Variants in MICAL3 observed in about 807,000 individuals in gnomAD.
MICAL3 encodes [F-actin]-monooxygenase MICAL3.
In MICAL3, 62 loss-of-function variants were observed where a neutral mutation model predicts 207.4. The observed-to-expected ratio is 0.30, with a 90% CI of 0.24 to 0.37. The LOEUF is 0.37. MICAL3 is among the 10% of genes least tolerant of loss of function. MICAL3 has a pLI of 1.00. For missense variants in MICAL3, 2,368 were observed against 2,635.6 expected, an observed-to-expected ratio of 0.90 and a Z score of 2.22; for synonymous variants, 1,077 against 1,069.3, an observed-to-expected ratio of 1.01 and a Z score of -0.14.
chr22:17,996,463 C>T (rs906753568), intron 1 of MICAL3, among the ~76,000 whole-genome samples: 2 of 148,088 alleles, frequency 1.4e-5, no homozygotes, highest in Admixed American at 1.4e-4. Flanking sequence ...AAAAAAAATG[C>T]AATCAACTGC....
intron 19 of MICAL3, chr22:17,861,088 T>C: frequency 1.0e-6 from 1 of 985,420 alleles, no homozygotes; most frequent in South Asian, 4.7e-5. Context: ...AGAATTCTCT[T>C]GCTCCACTAA....
Position 17,891,585 on chromosome 22 carries a change from T to G in MICAL3, c.1594A>C (p.Thr532Pro). Residue 532 changes from threonine to proline, a missense_variant, in exon 12 of 32, where the codon ACA becomes CCA. Thr to Pro is a conservative substitution (Grantham distance 38). Coordinates refer to ENST00000441493, the MANE Select transcript of MICAL3 (RefSeq NM_015241.3). Reference protein sequence around the residue: ...SKLLGWCQRQTDGYAGVNVTD... With the variant: ...SKLLGWCQRQPDGYAGVNVTD... Reference sequence around the variant, plus strand: ...ACGTTTACCCCTGCATAGCCATCTGTCTGCCTCTGGCACCAACCCAGCAGT... The same window carrying G: ...ACGTTTACCCCTGCATAGCCATCTGGCTGCCTCTGGCACCAACCCAGCAGT... The G allele has an allele frequency of 6.2e-7, 1 of 1,614,016 alleles. No individual in the cohort carries two copies. The highest frequency in any genetic ancestry group is 8.5e-7 in the Non-Finnish European group (1 of 1,179,876).
chr22:17,876,892 TGGAGGTTAG>T (rs1569109367), intron 16 of MICAL3: 13 of 12,926 alleles, frequency 1.0e-3, no homozygotes, highest in South Asian at 2.6e-3. Context: ...AGGGAGGTTA[TGGAGGTTAG>T]GGAGGTTAGG....
chr22:17,940,629 A>G (rs1162887006), intron 1 of MICAL3, among the ~76,000 whole-genome samples: 1 of 152,218 alleles, frequency 6.6e-6, no homozygotes, highest in Non-Finnish European at 1.5e-5. Flanking sequence ...TTACAAGGAA[A>G]GAGGCAAAGG....
At chr22:17,881,355 T>G in intron 16 of MICAL3, 12 of 1,406,012 alleles carry the variant, frequency 8.5e-6, no homozygotes, top group East Asian at 2.4e-5. Context: ...ACAGTGGCCA[T>G]GTGGAAGCTG....
chr22:17,996,638 T>A (rs1314069121), intron 1 of MICAL3, among the ~76,000 whole-genome samples: 1 of 151,950 alleles, frequency 6.6e-6, no homozygotes, highest in African/African-American at 2.4e-5. Context: ...AGCACCTGAG[T>A]GTCTGACACC....
rs565954377 is a variant in MICAL3, at chr22:17,994,661, G to A, written c.-75+29620C>T. 2.3e-3 allele frequency among the ~76,000 whole-genome samples: 345 copies of A among 151,384 alleles called. 1 individual carries two copies. The highest frequency in any genetic ancestry group is 8.1e-3 in the African/African-American group (332 of 41,218). The stretch of plus-strand genomic sequence containing the variant: ...CAGGAGGTCAAGGCTGCAGTGAGCC[G>A]AGATCATGCCACTCCAGCTGGGGCC... On this transcript the variant is annotated intron_variant, in intron 1 of 31. Transcript: ENST00000441493.
At chr22:17,926,258 G>C (rs568896199) in intron 1 of MICAL3, among the ~76,000 whole-genome samples, 1 of 152,326 alleles carries the variant, frequency 6.6e-6, no homozygotes, top group African/African-American at 2.4e-5. Flanking sequence ...TGGCATTCCA[G>C]GACGTCTGTG....
intron 1 of MICAL3, among the ~76,000 whole-genome samples, chr22:18,018,227 C>G (rs1350745318): frequency 6.6e-6 from 1 of 152,178 alleles, no homozygotes; most frequent in African/African-American, 2.4e-5. Context: ...ATTCTTTTAA[C>G]TTGAAAATTA....
intron 1 of MICAL3, among the ~76,000 whole-genome samples, chr22:17,997,050 CTTT>C (rs71716810): frequency 1.3e-4 from 10 of 75,490 alleles, no homozygotes; most frequent in African/African-American, 3.4e-4. Context: ...CCCATCTAGT[CTTT>C]TTTTTTTTTT....
At chr22:17,979,913 G>C (rs535324306) in intron 1 of MICAL3, among the ~76,000 whole-genome samples, 1 of 152,184 alleles carries the variant, frequency 6.6e-6, no homozygotes, top group East Asian at 1.9e-4. Context: ...CTACAGCCTT[G>C]ACCTCCTGGG....
chr22:17,821,969 G>C, intron 24 of MICAL3, 61 bp downstream of exon 24: 1 of 1,586,326 alleles, frequency 6.3e-7, no homozygotes, highest in East Asian at 2.2e-5. Context: ...AGCCACTCTT[G>C]TGTGCATATG....
chr22:17,951,846 G>A (rs566818717), intron 1 of MICAL3, among the ~76,000 whole-genome samples: 24 of 152,048 alleles, frequency 1.6e-4, no homozygotes, highest in African/African-American at 4.6e-4. Flanking sequence ...ACAGGCGCCC[G>A]CCACCACACC....
chr22:17,855,128 G>T (rs941575966), intron 19 of MICAL3, among the ~76,000 whole-genome samples: 4 of 152,214 alleles, frequency 2.6e-5, no homozygotes, highest in Admixed American at 6.5e-5. Flanking sequence ...CCATGTTGCA[G>T]CTGGCAGGCA....
At chr22:17,941,014 C>T (rs1363032903) in intron 1 of MICAL3, among the ~76,000 whole-genome samples, 1 of 152,078 alleles carries the variant, frequency 6.6e-6, no homozygotes. Flanking sequence ...ACGGGATGAA[C>T]CCACTAAAGA....
intron 16 of MICAL3, among the ~76,000 whole-genome samples, chr22:17,877,700 G>A (rs576054197): frequency 1.3e-5 from 2 of 152,134 alleles, no homozygotes; most frequent in Non-Finnish European, 1.5e-5. Flanking sequence ...AACCAGTTCA[G>A]AGGGAAAAAG....
chr22:17,997,698 GTCAC>G (rs1922447821), intron 1 of MICAL3, among the ~76,000 whole-genome samples: 1 of 152,168 alleles, frequency 6.6e-6, no homozygotes, highest in Admixed American at 6.5e-5. Context: ...TCAAGGCTTT[GTCAC>G]TCACTATCAC....
At chr22:17,967,496 ACACACACC>A (rs1321810389) in intron 1 of MICAL3, among the ~76,000 whole-genome samples, 96 of 142,004 alleles carry the variant, frequency 6.8e-4, no homozygotes, top group Non-Finnish European at 1.0e-3. Context: ...ACACACACCC[ACACACACC>A]CACTCATGCC....
At chr22:17,897,119 T>A in intron 7 of MICAL3, 138 bp from the exon 8 acceptor site, 1 of 888,566 alleles carries the variant, frequency 1.1e-6, no homozygotes, top group Non-Finnish European at 1.7e-6. Context: ...TTTATACCAT[T>A]AAAATGGGCG....
Sources: gnomAD v4.1 joint callset for allele counts (sites outside exome capture counted in the v4.1 genomes callset) on GRCh38, gnomAD v4.1.1 for gene constraint, MANE v1.5 for transcripts, NCBI Gene and HGNC (gene_info 2026-07-23, HGNC 2026-07-21) for gene names.